Variants in KLHL29 observed in about 807,000 individuals in gnomAD.
The protein encoded by KLHL29 is kelch-like protein 29.
Under a neutral mutation model 80.4 loss-of-function variants are expected in KLHL29, and 21 were observed. That is an observed-to-expected ratio of 0.26 (90% CI 0.19 to 0.38). The LOEUF (loss-of-function observed/expected upper bound fraction) is 0.38, where lower values mean the gene tolerates loss of function less well. Among genes scored for constraint, KLHL29 ranks in the 10% least tolerant of loss-of-function variants. The pLI, the probability that KLHL29 is intolerant of heterozygous loss-of-function variation, is 1.00. For missense variants in KLHL29, 867 were observed against 1,223.9 expected, an observed-to-expected ratio of 0.71 and a Z score of 4.35; for synonymous variants, 511 against 526.8, an observed-to-expected ratio of 0.97 and a Z score of 0.41.
Position 23,608,767 on chromosome 2 carries a change from C to T in KLHL29, c.286-30372C>T, listed in dbSNP as rs540596260. Among the ~76,000 whole-genome samples the T allele has an allele frequency of 1.4e-4, 22 of 152,322 alleles. No individual in the cohort carries two copies. In the South Asian group the frequency reaches 3.5e-3, roughly 24 times the overall value. On this transcript the variant is annotated intron_variant, in intron 3 of 13. Coordinates refer to ENST00000486442, the MANE Select transcript of KLHL29 (RefSeq NM_052920.2). Reference sequence around the variant, plus strand: ...CCATTCTCGCACAGAGCACTCAATACAAACCCCAACTCATATTAATTAAAA... The same window carrying T: ...CCATTCTCGCACAGAGCACTCAATATAAACCCCAACTCATATTAATTAAAA...
At chr2:23,664,253 C>T (rs180904705) in intron 5 of KLHL29, among the ~76,000 whole-genome samples, 73 of 152,212 alleles carry the variant, frequency 4.8e-4, no homozygotes, top group African/African-American at 1.7e-3. Flanking sequence ...CTGTCAGGTG[C>T]CAATCAGATG....
At chr2:23,528,203 C>T (rs1435421351) in intron 2 of KLHL29, among the ~76,000 whole-genome samples, 1 of 152,042 alleles carries the variant, frequency 6.6e-6, no homozygotes, top group Non-Finnish European at 1.5e-5. Context: ...TAATTATAGA[C>T]TAAAAATTGT....
chr2:23,548,882 C>T (rs532050608), intron 2 of KLHL29, among the ~76,000 whole-genome samples: 2 of 152,280 alleles, frequency 1.3e-5, no homozygotes, highest in Admixed American at 1.3e-4. Flanking sequence ...TTACAGCCCC[C>T]CTGCCCTGGG....
chr2:23,565,512 G>A (rs923547277), intron 3 of KLHL29, among the ~76,000 whole-genome samples: 36 of 152,208 alleles, frequency 2.4e-4, no homozygotes, highest in African/African-American at 7.0e-4. Context: ...AGGCAAGAGG[G>A]AGCTGGGGGG....
In KLHL29 at chr2:23,631,336, TTAAA is replaced by T. The variant is rs542156297; in HGVS notation, c.286-7798_286-7795del. Among the ~76,000 whole-genome samples, 350 of 152,116 alleles carry T rather than the reference TTAAA, an allele frequency of 2.3e-3. 1 individual carries two copies. Among genetic ancestry groups the T allele is most frequent in the Non-Finnish European group, 3.7e-3 (249 of 67,922 alleles). ...TAAAGGACAAGATTGAAATTAAAATTTAAATAAAGAATTACTTTTCTGTAAGTTG... is the reference window on the plus strand; with the variant it reads ...TAAAGGACAAGATTGAAATTAAAATTTAAAGAATTACTTTTCTGTAAGTTG... On this transcript the variant is annotated intron_variant, in intron 3 of 13. Coordinates refer to ENST00000486442, the MANE Select transcript of KLHL29 (RefSeq NM_052920.2).
chr2:23,583,421 T>G (rs1001319824), intron 3 of KLHL29, among the ~76,000 whole-genome samples: 6 of 152,240 alleles, frequency 3.9e-5, no homozygotes, highest in Non-Finnish European at 7.3e-5. Flanking sequence ...CCATCACACC[T>G]TCTTCCTTGG....
intron 2 of KLHL29, among the ~76,000 whole-genome samples, chr2:23,516,074 C>CT (rs1173375770): frequency 6.6e-6 from 1 of 152,234 alleles, no homozygotes; most frequent in African/African-American, 2.4e-5. Context: ...AGGGTCCCCT[C>CT]TCCCTCCTAG....
intron 1 of KLHL29, among the ~76,000 whole-genome samples, chr2:23,468,883 C>T (rs556056415): frequency 6.6e-6 from 1 of 152,330 alleles, no homozygotes; most frequent in East Asian, 1.9e-4. Context: ...CTGCTTACGG[C>T]GTCCAGACTT....
At chr2:23,452,159 G>T (rs1663898106) in intron 1 of KLHL29, among the ~76,000 whole-genome samples, 1 of 150,364 alleles carries the variant, frequency 6.7e-6, no homozygotes. Flanking sequence ...CCACAAGCAT[G>T]TCCCACCGTG....
At chr2:23,430,387 T>G (rs540498860) in intron 1 of KLHL29, among the ~76,000 whole-genome samples, 1 of 152,360 alleles carries the variant, frequency 6.6e-6, no homozygotes, top group South Asian at 2.1e-4. Context: ...TGTTACTATT[T>G]GGCTTCACAC....
intron 3 of KLHL29, among the ~76,000 whole-genome samples, chr2:23,587,699 C>A (rs1668154703): frequency 6.6e-6 from 1 of 152,222 alleles, no homozygotes. Context: ...ACGTGTCACC[C>A]ATATTCCAGA....
intron 2 of KLHL29, among the ~76,000 whole-genome samples, chr2:23,482,399 C>A (rs377325035): frequency 6.6e-6 from 1 of 152,226 alleles, no homozygotes; most frequent in East Asian, 1.9e-4. Flanking sequence ...GAGTTTGTGT[C>A]CTCCGTGAGG....
At chr2:23,413,562 A>G (rs2577742) in intron 1 of KLHL29, among the ~76,000 whole-genome samples, 16,384 of 152,154 alleles carry the variant, frequency 0.11, 1,324 homozygotes, top group African/African-American at 0.23. Flanking sequence ...TCCCTCTCCC[A>G]ATGCCTCTCT....
rs571028044 is a variant in KLHL29 at position 23,683,780 on chromosome 2, T to C, written c.941-619T>C. The stretch of plus-strand genomic sequence containing the variant: ...AGGAGGCGCAGAGGGTCCCTGTCCC[T>C]TGCTTGCTTGCTTTCCCGAAAAGTC... On this transcript the variant is annotated intron_variant, in intron 5 of 13. Coordinates refer to ENST00000486442, the MANE Select transcript of KLHL29 (RefSeq NM_052920.2). Among the ~76,000 whole-genome samples the C allele has an allele frequency of 3.3e-5, 5 of 152,248 alleles. No individual in the cohort carries two copies. In the East Asian group the frequency reaches 9.7e-4, roughly 29 times the overall value.
intron 2 of KLHL29, among the ~76,000 whole-genome samples, chr2:23,481,287 G>A (rs531522822): frequency 1.3e-4 from 20 of 152,248 alleles, no homozygotes; most frequent in Non-Finnish European, 2.4e-4. Context: ...TTCTAAATAC[G>A]GTTTCATGTA....
chr2:23,521,832 CAT>C (rs1424711682), intron 2 of KLHL29, among the ~76,000 whole-genome samples: 1 of 152,202 alleles, frequency 6.6e-6, no homozygotes, highest in African/African-American at 2.4e-5. Context: ...TTAGTAGTAT[CAT>C]TAATTATGCA....
chr2:23,392,908 G>A (rs759232277), intron 1 of KLHL29, among the ~76,000 whole-genome samples: 1 of 152,138 alleles, frequency 6.6e-6, no homozygotes, highest in African/African-American at 2.4e-5. Context: ...TATTAATCAA[G>A]TCTGACCAAC....
chr2:23,399,014 G>A (rs1165378530), intron 1 of KLHL29, among the ~76,000 whole-genome samples: 1 of 152,208 alleles, frequency 6.6e-6, no homozygotes, highest in Non-Finnish European at 1.5e-5. Flanking sequence ...ATTTGGCAAG[G>A]TGAAAGAAGG....
At chr2:23,606,210 G>C (rs998424083) in intron 3 of KLHL29, among the ~76,000 whole-genome samples, 3 of 151,918 alleles carry the variant, frequency 2.0e-5, no homozygotes, top group Non-Finnish European at 4.4e-5. Context: ...GGGAGAGAGA[G>C]AGAGAGGCAG....
Sources: allele counts gnomAD v4.1 joint callset (sites outside exome capture counted in the v4.1 genomes callset), GRCh38; gene constraint gnomAD v4.1.1; transcripts MANE v1.5; gene names NCBI Gene and HGNC (gene_info 2026-07-23, HGNC 2026-07-21).